The following CSMD1 variants were observed in gnomAD, a reference collection of about 807,000 sequenced individuals.
CSMD1 encodes CUB and sushi domain-containing protein 1.
CSMD1 carries 213 observed loss-of-function variants against 417.5 expected under a neutral mutation model. That is an observed-to-expected ratio of 0.51 (90% CI 0.46 to 0.57). CSMD1 has a LOEUF of 0.57. CSMD1 is among the 20% of genes least tolerant of loss of function. CSMD1 has a pLI of 0.00. For missense variants in CSMD1, 6,923 were observed against 4,529.7 expected (o/e 1.53, Z -15.17); for synonymous variants, 2,862 against 1,736.8 (o/e 1.65, Z -16.11).
At chr8:4,384,802 A>G (rs1803338828) in intron 3 of CSMD1, among the ~76,000 whole-genome samples, 1 of 152,208 alleles carries the variant, frequency 6.6e-6, no homozygotes, top group Non-Finnish European at 1.5e-5. Flanking sequence ...TCAGTCCTAC[A>G]GAACATCAAA....
At chr8:4,564,528 T>C (rs1403822706) in intron 2 of CSMD1, among the ~76,000 whole-genome samples, 2 of 152,202 alleles carry the variant, frequency 1.3e-5, no homozygotes, top group Non-Finnish European at 2.9e-5. Context: ...TGTGACTCGA[T>C]GTTCGAAACA....
intron 2 of CSMD1, among the ~76,000 whole-genome samples, chr8:4,498,945 G>A (rs182535115): frequency 8.4e-4 from 127 of 152,076 alleles, no homozygotes; most frequent in Non-Finnish European, 1.4e-3. Context: ...ATGGCCAGTG[G>A]TTCTATACAA....
intron 7 of CSMD1, among the ~76,000 whole-genome samples, chr8:3,677,773 T>G (rs910269529): frequency 6.6e-6 from 1 of 152,184 alleles, no homozygotes; most frequent in Admixed American, 6.5e-5. Flanking sequence ...AAAACTTCTA[T>G]CCAGAGTATA....
intron 2 of CSMD1, among the ~76,000 whole-genome samples, chr8:4,607,806 C>T (rs1029577832): frequency 1.3e-5 from 2 of 152,140 alleles, no homozygotes; most frequent in Non-Finnish European, 2.9e-5. Context: ...TGAGTGTGTA[C>T]TTTTCCCTTT....
At chr8:3,862,998 G>T (rs1302595394) in intron 5 of CSMD1, among the ~76,000 whole-genome samples, 1 of 152,156 alleles carries the variant, frequency 6.6e-6, no homozygotes, top group Non-Finnish European at 1.5e-5. Flanking sequence ...GGTACCAACA[G>T]ATTTGGTATC....
chr8:3,942,826 G>C (rs912129732), intron 5 of CSMD1, among the ~76,000 whole-genome samples: 1 of 152,118 alleles, frequency 6.6e-6, no homozygotes. Flanking sequence ...AACCATAAGG[G>C]CAATGATTGA....
intron 15 of CSMD1, among the ~76,000 whole-genome samples, chr8:3,404,357 T>C (rs1320963840): frequency 6.7e-6 from 1 of 148,246 alleles, no homozygotes; most frequent in African/African-American, 2.5e-5. Context: ...AAAAAAAAAA[T>C]TGCGTTTCTA....
chr8:3,993,132 G>A lies in CSMD1; in HGVS notation c.818+4771C>T, dbSNP rs866256092. ...ACTGATGCTACATGAATTTCTTGGT[G>A]CCAATAATTACACTATGGTTATGTA... On this transcript the variant is annotated intron_variant, in intron 5 of 69. Coordinates refer to ENST00000635120, the MANE Select transcript of CSMD1 (RefSeq NM_033225.6). Among the ~76,000 whole-genome samples the A allele has an allele frequency of 6.6e-5, 10 of 152,344 alleles. No homozygotes were observed. In the East Asian group the frequency reaches 7.7e-4, roughly 12 times the overall value.
At chr8:4,196,646 G>T (rs886932006) in intron 3 of CSMD1, among the ~76,000 whole-genome samples, 3 of 152,236 alleles carry the variant, frequency 2.0e-5, no homozygotes, top group Non-Finnish European at 4.4e-5. Flanking sequence ...AGTCCTCATT[G>T]AATCTTTGTG....
intron 69 of CSMD1, among the ~76,000 whole-genome samples, chr8:2,940,772 T>A (rs1387335474): frequency 6.6e-6 from 1 of 152,220 alleles, no homozygotes; most frequent in African/African-American, 2.4e-5. Context: ...TATGAAGGTT[T>A]GCATCTTTGC....
intron 2 of CSMD1, among the ~76,000 whole-genome samples, chr8:4,424,425 G>A (rs1000451996): frequency 1.2e-4 from 18 of 151,784 alleles, no homozygotes; most frequent in Non-Finnish European, 2.9e-5. Context: ...CGGCAAATAA[G>A]CCCACGAATA....
At chr8:4,065,198 C>G (rs1799181556) in intron 3 of CSMD1, among the ~76,000 whole-genome samples, 1 of 152,144 alleles carries the variant, frequency 6.6e-6, no homozygotes, top group Non-Finnish European at 1.5e-5. Flanking sequence ...CCATTCATAA[C>G]TTCTTATGAA....
intron 26 of CSMD1, among the ~76,000 whole-genome samples, chr8:3,238,458 C>T (rs1799291591): frequency 1.3e-5 from 2 of 152,032 alleles, no homozygotes; most frequent in African/African-American, 4.8e-5. Context: ...TTGTAAAGTG[C>T]TGGGACGGCA....
chr8:4,255,237 G>C (rs1383376534), intron 3 of CSMD1, among the ~76,000 whole-genome samples: 1 of 152,088 alleles, frequency 6.6e-6, no homozygotes, highest in East Asian at 1.9e-4. Flanking sequence ...CTATGGATTT[G>C]ACTAAAATTT....
In CSMD1 at chr8:3,449,743, C is replaced by T. The variant is rs183387144; in HGVS notation, c.1561+18969G>A. Among the ~76,000 whole-genome samples, 757 of 152,216 alleles carry T rather than the reference C, an allele frequency of 5.0e-3. 8 individuals are homozygous for T. The highest frequency in any genetic ancestry group is 0.018 in the African/African-American group (734 of 41,538). On this transcript the variant is annotated intron_variant, in intron 12 of 69. Coordinates refer to ENST00000635120, the MANE Select transcript of CSMD1 (RefSeq NM_033225.6). ...ATGTTGGTCAGGCCTGTCTCAAACTCTTGACCTCAGGTGATCCTCCCACCT... is the reference window on the plus strand; with the variant it reads ...ATGTTGGTCAGGCCTGTCTCAAACTTTTGACCTCAGGTGATCCTCCCACCT...
chr8:4,773,180 T>A (rs2117154955), intron 1 of CSMD1, among the ~76,000 whole-genome samples: 1 of 152,282 alleles, frequency 6.6e-6, no homozygotes, highest in Admixed American at 6.5e-5. Context: ...CCTGTGAGCA[T>A]TTCCTTCTGG....
At chr8:3,556,577 A>G (rs1280854082) in intron 10 of CSMD1, among the ~76,000 whole-genome samples, 1 of 150,758 alleles carries the variant, frequency 6.6e-6, no homozygotes, top group Non-Finnish European at 1.5e-5. Flanking sequence ...GAAATGGAAA[A>G]GTTCAATATC....
At chr8:4,113,421 A>G (rs1215644683) in intron 3 of CSMD1, among the ~76,000 whole-genome samples, 1 of 127,126 alleles carries the variant, frequency 7.9e-6, no homozygotes, top group Non-Finnish European at 1.6e-5. Flanking sequence ...TTTTTTTTAA[A>G]TGAGACAGTA....
At chr8:4,175,591 A>C (rs7841760) in intron 3 of CSMD1, among the ~76,000 whole-genome samples, 1 of 152,156 alleles carries the variant, frequency 6.6e-6, no homozygotes, top group African/African-American at 2.4e-5. Flanking sequence ...TAGGAGAGTA[A>C]ATATACAATG....
Sources: gnomAD v4.1 joint callset for allele counts (sites outside exome capture counted in the v4.1 genomes callset) on GRCh38, gnomAD v4.1.1 for gene constraint, MANE v1.5 for transcripts, NCBI Gene and HGNC (gene_info 2026-07-23, HGNC 2026-07-21) for gene names.